TNRC6B: variants seen among roughly 807,000 people sequenced by gnomAD.
TNRC6B encodes the protein trinucleotide repeat containing adaptor 6B.
In TNRC6B, 52 loss-of-function variants were observed where a neutral mutation model predicts 203.6. The observed-to-expected ratio is 0.26, with a 90% CI of 0.20 to 0.32. TNRC6B has a LOEUF of 0.32. Ranked by LOEUF, TNRC6B falls within the 10% of genes least tolerant of loss-of-function variation. The pLI, the probability that TNRC6B is intolerant of heterozygous loss-of-function variation, is 1.00. For missense variants in TNRC6B, 1,923 were observed against 2,286.2 expected (o/e 0.84, Z 3.24); for synonymous variants, 838 against 845.7 (o/e 0.99, Z 0.16).
chr22:40,271,698 T>C (rs2070565234), intron 6 of TNRC6B, among the ~76,000 whole-genome samples: 1 of 152,238 alleles, frequency 6.6e-6, no homozygotes, highest in Non-Finnish European at 1.5e-5. Flanking sequence ...CATGTGTCTT[T>C]CCCAACCTCA....
At chr22:40,115,585 A>C (rs2068379827) in intron 1 of TNRC6B, among the ~76,000 whole-genome samples, 1 of 152,238 alleles carries the variant, frequency 6.6e-6, no homozygotes, top group African/African-American at 2.4e-5. Flanking sequence ...AAGGTGTGTC[A>C]GACATGGTCC....
chr22:40,093,253 A>G (rs2068163008), intron 1 of TNRC6B, among the ~76,000 whole-genome samples: 2 of 152,244 alleles, frequency 1.3e-5, no homozygotes, highest in Admixed American at 6.5e-5. Flanking sequence ...TAGAAGATAA[A>G]GCTAAAGAAA....
At chr22:40,321,367 G>T in intron 22 of TNRC6B, 138 bp downstream of exon 22, 3 of 976,924 alleles carry the variant, frequency 3.1e-6, no homozygotes, top group Non-Finnish European at 4.5e-6. Flanking sequence ...TGCAAGTCTC[G>T]AGTGTGGAGA....
chr22:40,284,694 G>C (rs2070760417), intron 11 of TNRC6B, among the ~76,000 whole-genome samples: 1 of 152,198 alleles, frequency 6.6e-6, no homozygotes, highest in South Asian at 2.1e-4. Context: ...GGAGAGGTGG[G>C]CCCAGTTAAT....
At chr22:40,267,132 C>T in intron 5 of TNRC6B, 96 bp downstream of exon 5, 1 of 1,298,376 alleles carries the variant, frequency 7.7e-7, no homozygotes, top group East Asian at 2.6e-5. Context: ...TAGTTTTGTT[C>T]TGAGATGCTT....
Position 40,265,177 on chromosome 22 carries a change from A to G in TNRC6B, c.947A>G (p.Gln316Arg), listed in dbSNP as rs2070457443. Residue 316 changes from glutamine to arginine, a missense_variant, in exon 5 of 23, where the codon CAA becomes CGA. Coordinates refer to ENST00000454349, the MANE Select transcript of TNRC6B (RefSeq NM_001162501.2). ...CCATCTGCCTGGCCAGCACTGGTCC[A>G]AGAAGGAACTTCTAGGAAAGGGGCA... ...SNPSAWPALV[Q>R]EGTSRKGALE... 1 of 1,613,898 alleles carries G rather than the reference A, an allele frequency of 6.2e-7. No homozygotes were observed. The highest frequency in any genetic ancestry group is 1.3e-5 in the African/African-American group (1 of 74,932).
rs778924857 is a variant in TNRC6B at position 40,265,433 on chromosome 22, G to A, written c.1203G>A (p.Gly401=). The part of the protein sequence containing the change: ...NKGMPFGMGL[G]NTSRSTDAPS... ...GAATGCCCTTTGGAATGGGCTTGGG[G>A]AACACCTCCAGGAGCACTGATGCCC... is the stretch of plus-strand genomic sequence containing the variant. The change falls in exon 5 of 23, where the codon GGG becomes GGA. Residue 401 remains glycine (G), a synonymous_variant. Coordinates refer to ENST00000454349, the MANE Select transcript of TNRC6B (RefSeq NM_001162501.2). The A allele has an allele frequency of 1.2e-6, 2 of 1,614,022 alleles. No individual in the cohort carries two copies. Among genetic ancestry groups the A allele is most frequent in the Non-Finnish European group, 1.7e-6 (2 of 1,179,906 alleles).
chr22:40,099,269 G>GA lies in TNRC6B; in HGVS notation c.-120-17777dup, dbSNP rs1043194937. On this transcript the variant is annotated intron_variant, in intron 1 of 23. Coordinates refer to the TNRC6B transcript ENST00000301923. Reference sequence around the variant, plus strand: ...ACTCTGTCTCGAAAAAAAAAAAAAGGAAAAAAAAACATACAGTAAGGAATA... The same window carrying GA: ...ACTCTGTCTCGAAAAAAAAAAAAAGGAAAAAAAAAACATACAGTAAGGAATA... Among the ~76,000 whole-genome samples the GA allele has an allele frequency of 2.0e-3, 294 of 148,426 alleles. 1 individual carries two copies. Among genetic ancestry groups the GA allele is most frequent in the African/African-American group, 6.8e-3 (272 of 40,256 alleles).
intron 3 of TNRC6B, among the ~76,000 whole-genome samples, chr22:40,132,104 T>C (rs1488945219): frequency 6.6e-6 from 1 of 152,176 alleles, no homozygotes; most frequent in African/African-American, 2.4e-5. Context: ...TCCCAGCAGT[T>C]TGGGAGGCCG....
chr22:40,052,133 A>G (rs1229653989), intron 1 of TNRC6B, among the ~76,000 whole-genome samples: 1 of 152,162 alleles, frequency 6.6e-6, no homozygotes, highest in African/African-American at 2.4e-5. Flanking sequence ...AAATGTGCCA[A>G]CCTTCCTTGC....
At chr22:40,154,465 A>AAAAT (rs534543473) in intron 3 of TNRC6B, among the ~76,000 whole-genome samples, 80 of 151,794 alleles carry the variant, frequency 5.3e-4, no homozygotes, top group African/African-American at 1.8e-3. Context: ...CTCCATCTCA[A>AAAAT]AAATAAATAA....
chr22:40,091,257 T>G (rs927553757), intron 1 of TNRC6B, among the ~76,000 whole-genome samples: 4 of 152,048 alleles, frequency 2.6e-5, no homozygotes, highest in Non-Finnish European at 5.9e-5. Context: ...CATGATGATA[T>G]TTTTTAAAAA....
In TNRC6B at chr22:40,303,592, A is replaced by G. The variant is rs533200496; in HGVS notation, c.4120+2259A>G. ...CCATTTATAATCTGCCTTATAAGATAGATGTGTTTTGTCATTTATTTCACT... is the reference window on the plus strand; with the variant it reads ...CCATTTATAATCTGCCTTATAAGATGGATGTGTTTTGTCATTTATTTCACT... On this transcript the variant is annotated intron_variant, in intron 15 of 22. Coordinates refer to ENST00000454349, the MANE Select transcript of TNRC6B (RefSeq NM_001162501.2). 8.4e-4 allele frequency among the ~76,000 whole-genome samples: 128 copies of G among 152,270 alleles called. 1 individual carries two copies. The highest frequency in any genetic ancestry group is 2.8e-3 in the African/African-American group (116 of 41,546).
In TNRC6B at chr22:40,273,413, C is replaced by CT; in HGVS notation, c.2966-9dup. ...AGCTGTTGCAAAGAGTTAATTCATT[C>CT]TTTCCTTAAAGATTCCAAATCTATG... On this transcript the variant is annotated splice_polypyrimidine_tract_variant and intron_variant, in intron 6 of 22. Transcript: ENST00000454349. 1.3e-6 allele frequency: 2 copies of CT among 1,585,444 alleles called. No individual in the cohort carries two copies. Among genetic ancestry groups the CT allele is most frequent in the Non-Finnish European group, 1.7e-6 (2 of 1,167,344 alleles).
At chr22:40,156,260 T>C in intron 4 of TNRC6B, 1 of 1,409,368 alleles carries the variant, frequency 7.1e-7, no homozygotes, top group Non-Finnish European at 9.8e-7. Flanking sequence ...GATAAGCGTG[T>C]TTGTCAGAGA....
chr22:40,192,958 C>A (rs1601872731), intron 1 of TNRC6B, among the ~76,000 whole-genome samples: 1 of 152,190 alleles, frequency 6.6e-6, no homozygotes. Flanking sequence ...ATGGGAGTGA[C>A]AGTGCTCCCT....
At chr22:40,240,601 C>A (rs1389719005) in intron 1 of TNRC6B, among the ~76,000 whole-genome samples, 2 of 152,078 alleles carry the variant, frequency 1.3e-5, no homozygotes, top group Non-Finnish European at 2.9e-5. Flanking sequence ...CATAGTATTG[C>A]TTTGGAAGCC....
At chr22:40,133,204 T>C (rs1388361354) in intron 3 of TNRC6B, among the ~76,000 whole-genome samples, 1 of 151,984 alleles carries the variant, frequency 6.6e-6, no homozygotes. Flanking sequence ...TGTCACATAG[T>C]GGAACTGTAC....
At chr22:40,186,137 G>T (rs1311426218) in intron 1 of TNRC6B, among the ~76,000 whole-genome samples, 1 of 152,068 alleles carries the variant, frequency 6.6e-6, no homozygotes, top group East Asian at 1.9e-4. Flanking sequence ...ATAGAAAAAA[G>T]AACTGAGAAT....
Sources: gnomAD v4.1 joint callset for allele counts (sites outside exome capture counted in the v4.1 genomes callset) on GRCh38, gnomAD v4.1.1 for gene constraint, MANE v1.5 for transcripts, NCBI Gene and HGNC (gene_info 2026-07-23, HGNC 2026-07-21) for gene names.